The following TM4SF5 variants were observed in gnomAD, a reference collection of about 807,000 sequenced individuals.
The protein encoded by TM4SF5 is transmembrane 4 L6 family member 5.
TM4SF5 carries 16 observed loss-of-function variants against 22.3 expected under a neutral mutation model. The ratio of observed to expected loss-of-function variants is 0.72; its 90% CI spans 0.49 to 1.09. The LOEUF (loss-of-function observed/expected upper bound fraction) is 1.09. Ranked by LOEUF, TM4SF5 falls within the 50% of genes least tolerant of loss-of-function variation. TM4SF5 has a pLI of 0.00. For missense variants in TM4SF5, 249 were observed against 266.1 expected, an observed-to-expected ratio of 0.94 and a Z score of 0.45; for synonymous variants, 113 against 109.6, an observed-to-expected ratio of 1.03 and a Z score of -0.19.
intron 1 of TM4SF5, among the ~76,000 whole-genome samples, chr17:4,778,800 G>T (rs1917249591): frequency 6.6e-6 from 1 of 152,144 alleles, no homozygotes; most frequent in African/African-American, 2.4e-5. Context: ...GCTCACGCTT[G>T]TAATCCCAGC....
At chr17:4,775,178 G>A (rs925641809) in intron 1 of TM4SF5, among the ~76,000 whole-genome samples, 3 of 152,054 alleles carry the variant, frequency 2.0e-5, no homozygotes, top group Non-Finnish European at 4.4e-5. Flanking sequence ...GAGGGCAGAG[G>A]CTAGGCCTGG....
At chr17:4,778,109 T>G (rs1324718683) in intron 1 of TM4SF5, among the ~76,000 whole-genome samples, 6 of 152,136 alleles carry the variant, frequency 3.9e-5, no homozygotes, top group African/African-American at 1.2e-4. Flanking sequence ...AAGGCAATTC[T>G]AGGTGTGTTT....
chr17:4,771,967 T>C lies in TM4SF5; in HGVS notation c.45T>C (p.Ile15=), dbSNP rs1917117074. 1 of 1,614,158 alleles carries C rather than the reference T, an allele frequency of 6.2e-7. No homozygotes were observed. The highest frequency in any genetic ancestry group is 8.5e-7 in the Non-Finnish European group (1 of 1,180,016). The change falls in exon 1 of 5, where the codon ATT becomes ATC. Residue 15 remains isoleucine, a synonymous_variant. Coordinates refer to ENST00000270560, the MANE Select transcript of TM4SF5 (RefSeq NM_003963.3). ...KCARCVGLSL[I]TLCLVCIVAN... ...CCCGCTGTGTGGGGCTCTCCCTCAT[T>C]ACCCTCTGCCTCGTCTGCATTGTGG...
chr17:4,782,722 GGACTC>G (rs1465788830), intron 3 of TM4SF5, 83 bp downstream of exon 3: 4 of 1,587,718 alleles, frequency 2.5e-6, no homozygotes, highest in Non-Finnish European at 3.4e-6. Context: ...CACCTGGGCG[GGACTC>G]GACTTCGAGG....
chr17:4,778,145 C>T (rs538833783), intron 1 of TM4SF5, among the ~76,000 whole-genome samples: 1 of 152,264 alleles, frequency 6.6e-6, no homozygotes, highest in African/African-American at 2.4e-5. Context: ...CAGTAAGTGA[C>T]CTAACCAGGG....
At chr17:4,777,783 C>T (rs1368315129) in intron 1 of TM4SF5, among the ~76,000 whole-genome samples, 1 of 151,966 alleles carries the variant, frequency 6.6e-6, no homozygotes, top group Non-Finnish European at 1.5e-5. Flanking sequence ...ACTCGGGAGG[C>T]TGAGGCAGGA....
At chr17:4,777,833 A>G (rs1318615742) in intron 1 of TM4SF5, among the ~76,000 whole-genome samples, 1 of 152,014 alleles carries the variant, frequency 6.6e-6, no homozygotes, top group Non-Finnish European at 1.5e-5. Flanking sequence ...ACAGCGAGCC[A>G]AGATCGCGCC....
rs1917332045 is a variant in TM4SF5 at position 4,782,566 on chromosome 17, T to G, written c.322T>G (p.Ser108Ala). 6.2e-7 allele frequency: 1 copy of G among 1,613,738 alleles called. No homozygotes were observed. The highest frequency in any genetic ancestry group is 8.5e-7 in the Non-Finnish European group (1 of 1,179,910). The change falls in exon 3 of 5, where the codon TCT (serine) becomes GCT (alanine). Residue 108 changes from serine to alanine, a missense_variant. Ser to Ala is a moderately conservative substitution (Grantham distance 99). Transcript: ENST00000270560. ...VLGAIYCLSV[S>A]GAGLRNGPRC... is the part of the protein sequence containing the mutation. ...TGGTGCCATCTACTGCCTCTCGGTG[T>G]CTGGAGCTGGGCTCCGAAATGGACC...
intron 1 of TM4SF5, among the ~76,000 whole-genome samples, chr17:4,775,979 G>C (rs1223837564): frequency 6.6e-6 from 1 of 151,996 alleles, no homozygotes; most frequent in Admixed American, 6.6e-5. Flanking sequence ...AGAGTAGCTG[G>C]GGTTACAGGC....
At chr17:4,781,071 T>C in intron 2 of TM4SF5, among the ~76,000 whole-genome samples, 1 of 149,608 alleles carries the variant, frequency 6.7e-6, no homozygotes, top group East Asian at 2.0e-4. Context: ...TCTCGGCTAC[T>C]TGGGAGGCTG....
chr17:4,771,999 C>G lies in TM4SF5; in HGVS notation c.77C>G (p.Ala26Gly). 1 of 1,614,188 alleles carries G rather than the reference C, an allele frequency of 6.2e-7. No homozygotes were observed. Among genetic ancestry groups the G allele is most frequent in the Non-Finnish European group, 8.5e-7 (1 of 1,180,020 alleles). ...TGCCTCGTCTGCATTGTGGCCAACGCCCTCCTGCTGGTACCTAATGGGGAG... is the reference window on the plus strand; with the variant it reads ...TGCCTCGTCTGCATTGTGGCCAACGGCCTCCTGCTGGTACCTAATGGGGAG... ...TLCLVCIVANALLLVPNGETS... is the reference protein window; with the variant it reads ...TLCLVCIVANGLLLVPNGETS... The change falls in exon 1 of 5, where the codon GCC (alanine) becomes GGC (glycine). Residue 26 changes from alanine to glycine, a missense_variant. Ala to Gly is a moderately conservative substitution (Grantham distance 60). Coordinates refer to ENST00000270560, the MANE Select transcript of TM4SF5 (RefSeq NM_003963.3).
chr17:4,780,494 T>C (rs1282028209), intron 1 of TM4SF5, among the ~76,000 whole-genome samples: 3 of 152,130 alleles, frequency 2.0e-5, no homozygotes, highest in Admixed American at 2.0e-4. Context: ...GCATGTGAAG[T>C]AGTTTCCCTG....
chr17:4,782,640 G>T lies in TM4SF5; in HGVS notation c.395+1G>T. The T allele has an allele frequency of 6.2e-7, 1 of 1,614,134 alleles. No homozygotes were observed. Among genetic ancestry groups the T allele is most frequent in the East Asian group, 2.2e-5 (1 of 44,882 alleles). ...GGGGCTACCACTTCGAAGACACCGC[G>T]TAAGGTTTAGCCTGTATTCGTGTCC... On this transcript the variant is annotated splice_donor_variant, in intron 3 of 4. Transcript: ENST00000270560. LOFTEE classifies it high-confidence loss of function.
intron 3 of TM4SF5, 74 bp from the exon 4 acceptor site, chr17:4,782,780 T>A: frequency 1.3e-6 from 2 of 1,573,734 alleles, no homozygotes; most frequent in South Asian, 1.2e-5. Context: ...GCAAATCCCC[T>A]GGGACGTATT....
At position 4,780,825 on chromosome 17, in the gene TM4SF5, G is replaced by A. The variant is rs370963803; in HGVS notation, c.214G>A (p.Gly72Ser). 5.0e-6 allele frequency: 8 copies of A among 1,610,576 alleles called. No individual in the cohort carries two copies. Among genetic ancestry groups the A allele is most frequent in the African/African-American group, 2.7e-5 (2 of 74,882 alleles). Reference protein sequence around the residue: ...CPGIAAVRAGGKGCCGAGCCG... With the variant: ...CPGIAAVRAGSKGCCGAGCCG... ...GGGGATTGCAGCCGTTCGGGCAGGG[G>A]GCAAGGGCTGCTGTGGTGCTGGGTG... The change falls in exon 2 of 5, where the codon GGC becomes AGC. Residue 72 changes from glycine to serine, a missense_variant. Transcript: ENST00000270560.
At chr17:4,778,232 G>A (rs1016974273) in intron 1 of TM4SF5, among the ~76,000 whole-genome samples, 2 of 152,126 alleles carry the variant, frequency 1.3e-5, no homozygotes, top group Non-Finnish European at 2.9e-5. Context: ...TTTCTCTGAG[G>A]TTGCTGGGGA....
At chr17:4,778,352 T>G (rs549321800) in intron 1 of TM4SF5, among the ~76,000 whole-genome samples, 1 of 151,372 alleles carries the variant, frequency 6.6e-6, no homozygotes, top group Non-Finnish European at 1.5e-5. Context: ...CAGTGGCTCA[T>G]GCCTGTAATC....
chr17:4,773,078 C>T (rs1718281409), intron 1 of TM4SF5, among the ~76,000 whole-genome samples: 1 of 151,826 alleles, frequency 6.6e-6, no homozygotes, highest in Admixed American at 6.6e-5. Flanking sequence ...CTAATTTTTG[C>T]ATTTTCAGTA....
intron 2 of TM4SF5, among the ~76,000 whole-genome samples, chr17:4,781,879 C>T (rs1917315928): frequency 6.6e-6 from 1 of 151,852 alleles, no homozygotes; most frequent in Admixed American, 6.6e-5. Context: ...AACCTGAAAG[C>T]CAGCGGCCGC....
Sources: gnomAD v4.1 joint callset for allele counts (sites outside exome capture counted in the v4.1 genomes callset) on GRCh38, gnomAD v4.1.1 for gene constraint, MANE v1.5 for transcripts, NCBI Gene and HGNC (gene_info 2026-07-23, HGNC 2026-07-21) for gene names.